DNTT: variants seen among roughly 807,000 people sequenced by gnomAD.
DNTT encodes nucleosidetriphosphate:DNA deoxynucleotidylexotransferase.
A neutral mutation model predicts 60.9 loss-of-function variants in DNTT; 47 were observed. The ratio of observed to expected loss-of-function variants is 0.77; its 90% CI spans 0.61 to 0.98. The LOEUF (loss-of-function observed/expected upper bound fraction) is 0.98, where lower values mean the gene tolerates loss of function less well. DNTT is among the 50% of genes least tolerant of loss of function. The pLI, the probability that DNTT is intolerant of heterozygous loss-of-function variation, is 0.00. For missense variants in DNTT, 665 were observed against 627.5 expected (o/e 1.06, Z -0.64); for synonymous variants, 224 against 221.2 (o/e 1.01, Z -0.11).
intron 1 of DNTT, among the ~76,000 whole-genome samples, chr10:96,314,784 A>G (rs1844768735): frequency 6.6e-6 from 1 of 152,164 alleles, no homozygotes; most frequent in Non-Finnish European, 1.5e-5. Context: ...GAAGTGATGT[A>G]TAAAGTGTGC....
intron 10 of DNTT, 45 bp downstream of exon 10, chr10:96,336,019 A>C (rs1487659773): frequency 1.3e-6 from 2 of 1,599,486 alleles, no homozygotes; most frequent in South Asian, 2.2e-5. Context: ...CCTCATCCCC[A>C]AGGCTGGCCC....
chr10:96,338,046 A>G, intron 10 of DNTT, 92 bp from the exon 11 acceptor site: 1 of 1,107,406 alleles, frequency 9.0e-7, no homozygotes, highest in Non-Finnish European at 1.3e-6. Context: ...TCATTCTGAC[A>G]AGGCAATTTT....
chr10:96,325,448 GAGTAAAGACTCTCAA>G (rs1844928053), intron 6 of DNTT, among the ~76,000 whole-genome samples: 1 of 152,170 alleles, frequency 6.6e-6, no homozygotes, highest in Non-Finnish European at 1.5e-5. Context: ...TTGGAATGAT[GAGTAAAGACTCTCAA>G]TGCTTAGAGA....
chr10:96,324,438 G>C, intron 6 of DNTT, 49 bp downstream of exon 6: 1 of 1,606,490 alleles, frequency 6.2e-7, no homozygotes, highest in Non-Finnish European at 8.5e-7. Context: ...TGGTCGGGTC[G>C]TGGTGGAGCT....
chr10:96,309,939 A>T (rs979338871), intron 1 of DNTT, among the ~76,000 whole-genome samples: 5 of 152,208 alleles, frequency 3.3e-5, no homozygotes, highest in African/African-American at 1.2e-4. Context: ...TCTTCTAACC[A>T]TCCAGAACTG....
Position 96,328,805 on chromosome 10 carries a change from A to C in DNTT, c.1088A>C (p.Lys363Thr). 6.2e-7 allele frequency: 1 copy of C among 1,613,754 alleles called. No individual in the cohort carries two copies. The highest frequency in any genetic ancestry group is 8.5e-7 in the Non-Finnish European group (1 of 1,179,872). ...STEDEEQLLQ[K>T]VMNLWEKKGL... is the part of the protein sequence containing the mutation. Reference sequence around the variant, plus strand: ...GAGGATGAAGAGCAACTTTTACAGAAAGTGATGAACTTATGGGAAAAGAAG... The same window carrying C: ...GAGGATGAAGAGCAACTTTTACAGACAGTGATGAACTTATGGGAAAAGAAG... The change falls in exon 8 of 11, where the codon AAA becomes ACA. Residue 363 changes from lysine to threonine, a missense_variant. By Grantham distance (78) the Lys-to-Thr change is moderately conservative. Transcript: ENST00000371174.
chr10:96,307,175 CA>C (rs1241739708), intron 1 of DNTT, among the ~76,000 whole-genome samples: 1 of 152,118 alleles, frequency 6.6e-6, no homozygotes, highest in East Asian at 1.9e-4. Flanking sequence ...ACCTTTACAG[CA>C]AAACCCTAAG....
chr10:96,308,948 T>C (rs1349210887), intron 1 of DNTT, among the ~76,000 whole-genome samples: 1 of 152,186 alleles, frequency 6.6e-6, no homozygotes, highest in Admixed American at 6.5e-5. Context: ...TTCAGTTGCT[T>C]CAGGCCATCT....
intron 4 of DNTT, among the ~76,000 whole-genome samples, chr10:96,322,276 G>A (rs1468644577): frequency 6.6e-6 from 1 of 152,166 alleles, no homozygotes; most frequent in Non-Finnish European, 1.5e-5. Flanking sequence ...TGGCTTTTTG[G>A]TGGGTCCAAA....
At chr10:96,327,418 G>A in intron 6 of DNTT, 50 bp from the exon 7 acceptor site, 4 of 1,613,762 alleles carry the variant, frequency 2.5e-6, no homozygotes, top group Non-Finnish European at 3.4e-6. Context: ...AGGGCTGGTT[G>A]TTTCACACAC....
intron 1 of DNTT, among the ~76,000 whole-genome samples, chr10:96,306,060 AG>A (rs1844631316): frequency 1.3e-5 from 2 of 152,138 alleles, no homozygotes; most frequent in Middle Eastern, 6.8e-3. Flanking sequence ...GAAGACAGGA[AG>A]ATTATATAGG....
chr10:96,332,594 C>G lies in DNTT; in HGVS notation c.1357C>G (p.Arg453Gly). 6.2e-7 allele frequency: 1 copy of G among 1,612,184 alleles called. No homozygotes were observed. The highest frequency in any genetic ancestry group is 8.5e-7 in the Non-Finnish European group (1 of 1,179,330). Residue 453 changes from arginine (R) to glycine (G), a missense_variant and splice_region_variant, in exon 9 of 11, where the codon CGG (arginine) becomes GGG (glycine). Physicochemically the swap from Arg to Gly is moderately radical, Grantham distance 125 (BLOSUM62 -2). Coordinates refer to ENST00000371174, the MANE Select transcript of DNTT (RefSeq NM_004088.4). ...AFALLGWTGS[R>G]QFERDLRRYA... ...TGCCCTGTTGGGATGGACTGGCTCCCGGGTAAGTGCTACATGGACCCATGG... is the reference window on the plus strand; with the variant it reads ...TGCCCTGTTGGGATGGACTGGCTCCGGGGTAAGTGCTACATGGACCCATGG...
chr10:96,336,475 T>C (rs1845071094), intron 10 of DNTT, among the ~76,000 whole-genome samples: 1 of 152,210 alleles, frequency 6.6e-6, no homozygotes, highest in African/African-American at 2.4e-5. Flanking sequence ...TCATTTGGTG[T>C]GCTAGTCTTA....
chr10:96,336,914 G>T (rs377160706), intron 10 of DNTT, among the ~76,000 whole-genome samples: 2 of 144,140 alleles, frequency 1.4e-5, no homozygotes, highest in African/African-American at 5.4e-5. Context: ...CTCCAGCCTG[G>T]GCAACAGAGT....
intron 2 of DNTT, 34 bp from the exon 3 acceptor site, chr10:96,319,228 T>A (rs748541822): frequency 7.5e-6 from 12 of 1,606,422 alleles, no homozygotes; most frequent in African/African-American, 1.3e-5. Flanking sequence ...ACTATTAATT[T>A]TTATTGAAAA....
At chr10:96,318,758 T>A (rs2133987707) in intron 2 of DNTT, among the ~76,000 whole-genome samples, 1 of 152,324 alleles carries the variant, frequency 6.6e-6, no homozygotes, top group Middle Eastern at 3.4e-3. Context: ...TGTAAAGCGC[T>A]GAACACAATG....
rs372756048 is a variant in DNTT at position 96,304,647 on chromosome 10, G to C, written c.150G>C (p.Ala50=). Reference sequence around the variant, plus strand: ...AGAAAATGGGAACCACCCGCAGAGCGTTCCTCATGGAGCTGGCCCGCAGGA... The same window carrying C: ...AGAAAATGGGAACCACCCGCAGAGCCTTCCTCATGGAGCTGGCCCGCAGGA... The part of the protein sequence containing the change: ...LEKKMGTTRR[A]FLMELARRKG... Residue 50 remains alanine (A), a synonymous_variant, in exon 1 of 11, where the codon GCG becomes GCC. Transcript: ENST00000371174. 6.2e-7 allele frequency: 1 copy of C among 1,614,154 alleles called. No homozygotes were observed.
In DNTT at chr10:96,327,020, C is replaced by T. The variant is rs772061336; in HGVS notation, c.875-448C>T. Among the ~76,000 whole-genome samples, 83 of 152,208 alleles carry T rather than the reference C, an allele frequency of 5.5e-4. 1 individual carries two copies. The highest frequency in any genetic ancestry group is 6.6e-4 in the Non-Finnish European group (45 of 68,032). ...GCTAAACCACCTAAGATATTTCCTGCCTTGCTTCAGACACACATCTACTCT... is the reference window on the plus strand; with the variant it reads ...GCTAAACCACCTAAGATATTTCCTGTCTTGCTTCAGACACACATCTACTCT... On this transcript the variant is annotated intron_variant, in intron 6 of 10. Coordinates refer to ENST00000371174, the MANE Select transcript of DNTT (RefSeq NM_004088.4).
At chr10:96,314,222 A>T (rs1397655519) in intron 1 of DNTT, among the ~76,000 whole-genome samples, 1 of 152,034 alleles carries the variant, frequency 6.6e-6, no homozygotes, top group Non-Finnish European at 1.5e-5. Context: ...ATACCCATCC[A>T]GATGTTACTC....
Sources: allele counts gnomAD v4.1 joint callset (sites outside exome capture counted in the v4.1 genomes callset), GRCh38; gene constraint gnomAD v4.1.1; transcripts MANE v1.5; gene names NCBI Gene and HGNC (gene_info 2026-07-23, HGNC 2026-07-21).